The following DOK6 variants were observed in gnomAD, a reference collection of about 807,000 sequenced individuals.
DOK6 encodes docking protein 6.
In DOK6, 22 loss-of-function variants were observed where a neutral mutation model predicts 44.0. The ratio of observed to expected loss-of-function variants is 0.50; its 90% CI spans 0.36 to 0.71. The LOEUF (loss-of-function observed/expected upper bound fraction) is 0.71. Ranked by LOEUF, DOK6 falls within the 30% of genes least tolerant of loss-of-function variation. The pLI is 0.00. For synonymous variants in DOK6, 166 were observed against 145.5 expected, an observed-to-expected ratio of 1.14 and a Z score of -1.01; for missense variants, 340 against 416.4, an observed-to-expected ratio of 0.82 and a Z score of 1.60.
At chr18:69,693,742 C>T (rs1031760968) in intron 4 of DOK6, among the ~76,000 whole-genome samples, 1 of 152,056 alleles carries the variant, frequency 6.6e-6, no homozygotes, top group Non-Finnish European at 1.5e-5. Flanking sequence ...CACAGCTATA[C>T]TTGGATTTGT....
At chr18:69,589,855 T>C (rs1983585443) in intron 2 of DOK6, among the ~76,000 whole-genome samples, 1 of 152,168 alleles carries the variant, frequency 6.6e-6, no homozygotes, top group South Asian at 2.1e-4. Context: ...AAAATATCGC[T>C]ATGTCCTTAA....
At chr18:69,643,322 T>C (rs1025492812) in intron 3 of DOK6, among the ~76,000 whole-genome samples, 5 of 152,226 alleles carry the variant, frequency 3.3e-5, no homozygotes, top group African/African-American at 1.2e-4. Context: ...CTATACATTT[T>C]TATCACCTGG....
intron 3 of DOK6, among the ~76,000 whole-genome samples, chr18:69,625,618 T>C (rs1984541206): frequency 2.0e-5 from 3 of 152,366 alleles, no homozygotes; most frequent in Middle Eastern, 6.8e-3. Flanking sequence ...TCTTATGAAG[T>C]CTGTTTGTAA....
chr18:69,833,353 A>AT (rs1599350895), intron 7 of DOK6, among the ~76,000 whole-genome samples: 1 of 152,146 alleles, frequency 6.6e-6, no homozygotes, highest in Non-Finnish European at 1.5e-5. Flanking sequence ...AAAACTGGTT[A>AT]TTTATACACA....
chr18:69,542,629 A>G (rs1357475146), intron 1 of DOK6, among the ~76,000 whole-genome samples: 2 of 151,620 alleles, frequency 1.3e-5, no homozygotes, highest in Non-Finnish European at 3.0e-5. Flanking sequence ...GAAAATATAA[A>G]GTAGGAAAGA....
rs1982414873 is a variant in DOK6 at position 69,849,062 on chromosome 18, G to A, written c.*7679G>A. The A allele has an allele frequency of 6.6e-6, 1 of 152,106 alleles. No individual in the cohort carries two copies. The highest frequency in any genetic ancestry group is 1.5e-5 in the Non-Finnish European group (1 of 67,998). 9.4% of individuals were successfully genotyped at this position (152,106 alleles called of 1,614,324 possible). ...TAGCTTGCTATTTTGAAAATAAAGT[G>A]AAAGAAGGCCCTTTATTAAATGAAA... On this transcript the variant is annotated 3_prime_UTR_variant, in exon 8 of 8. Transcript: ENST00000382713.
At chr18:69,664,002 G>C (rs1985594588) in intron 3 of DOK6, among the ~76,000 whole-genome samples, 1 of 152,048 alleles carries the variant, frequency 6.6e-6, no homozygotes, top group Non-Finnish European at 1.5e-5. Flanking sequence ...TTTTTTTAAA[G>C]GGTGACTAGG....
chr18:69,441,672 C>T (rs1444780742), intron 1 of DOK6, among the ~76,000 whole-genome samples: 1 of 152,092 alleles, frequency 6.6e-6, no homozygotes, highest in African/African-American at 2.4e-5. Flanking sequence ...TAGCAATAAA[C>T]GTAGCTGAAA....
At chr18:69,698,369 T>TGAA in intron 4 of DOK6, 35 bp from the exon 5 acceptor site, 2 of 1,565,714 alleles carry the variant, frequency 1.3e-6, no homozygotes. Context: ...ACACCTCTTT[T>TGAA]CACTTAACCT....
chr18:69,836,830 T>C (rs1982067634), intron 7 of DOK6, among the ~76,000 whole-genome samples: 3 of 152,212 alleles, frequency 2.0e-5, no homozygotes, highest in Admixed American at 2.0e-4. Flanking sequence ...ATCAACACTG[T>C]CTAGGGGCAT....
chr18:69,686,224 GA>G (rs1292855932), intron 4 of DOK6, among the ~76,000 whole-genome samples: 1 of 152,120 alleles, frequency 6.6e-6, no homozygotes, highest in African/African-American at 2.4e-5. Flanking sequence ...CCAGCCTCCA[GA>G]ACAGGGAGAA....
intron 1 of DOK6, among the ~76,000 whole-genome samples, chr18:69,477,229 C>G (rs887128719): frequency 1.3e-5 from 2 of 152,154 alleles, no homozygotes; most frequent in Non-Finnish European, 2.9e-5. Flanking sequence ...GGGATCCTAT[C>G]AGCCCACAAG....
At chr18:69,635,272 T>G (rs1984777895) in intron 3 of DOK6, among the ~76,000 whole-genome samples, 3 of 147,016 alleles carry the variant, frequency 2.0e-5, no homozygotes, top group African/African-American at 7.3e-5. Context: ...GATTCGATAT[T>G]TTTCTCTTTT....
chr18:69,426,333 G>A (rs1372987820), intron 1 of DOK6, among the ~76,000 whole-genome samples: 1 of 151,996 alleles, frequency 6.6e-6, no homozygotes, highest in Non-Finnish European at 1.5e-5. Flanking sequence ...TTTAGGATTT[G>A]TTTATTAACT....
chr18:69,728,434 T>C (rs538826292), intron 5 of DOK6, among the ~76,000 whole-genome samples: 2 of 152,314 alleles, frequency 1.3e-5, no homozygotes, highest in South Asian at 4.1e-4. Context: ...ATCATCTAGA[T>C]TTGGCTTTTA....
intron 1 of DOK6, among the ~76,000 whole-genome samples, chr18:69,412,028 A>G (rs1308019109): frequency 6.6e-6 from 1 of 152,168 alleles, no homozygotes; most frequent in African/African-American, 2.4e-5. Flanking sequence ...GTCTAGAATT[A>G]TCATTTGGTT....
At chr18:69,601,804 G>A (rs1388711657) in intron 3 of DOK6, among the ~76,000 whole-genome samples, 1 of 152,094 alleles carries the variant, frequency 6.6e-6, no homozygotes, top group Admixed American at 6.5e-5. Context: ...CTAGGACCGG[G>A]GCATGAAATA....
At chr18:69,611,178 T>C (rs1984130842) in intron 3 of DOK6, among the ~76,000 whole-genome samples, 1 of 152,202 alleles carries the variant, frequency 6.6e-6, no homozygotes, top group Admixed American at 6.5e-5. Context: ...CCTATGTGAA[T>C]TTGTGCATGA....
At chr18:69,660,681 T>TC (rs1985500025) in intron 3 of DOK6, 1 of 151,002 alleles carries the variant, frequency 6.6e-6, no homozygotes, top group African/African-American at 2.4e-5. Flanking sequence ...TTTTTTTTTT[T>TC]TTTTTTTTGA....
Sources: gnomAD v4.1 joint callset for allele counts (sites outside exome capture counted in the v4.1 genomes callset) on GRCh38, gnomAD v4.1.1 for gene constraint, MANE v1.5 for transcripts, NCBI Gene and HGNC (gene_info 2026-07-23, HGNC 2026-07-21) for gene names.